Variants in SLC22A3 observed in about 807,000 individuals in gnomAD.
SLC22A3 encodes the protein EMT organic cation transporter 3.
A neutral mutation model predicts 59.1 loss-of-function variants in SLC22A3; 51 were observed. The ratio of observed to expected loss-of-function variants is 0.86; its 90% CI spans 0.69 to 1.09. The LOEUF (loss-of-function observed/expected upper bound fraction) is 1.09. Among genes scored for constraint, SLC22A3 ranks in the 50% least tolerant of loss-of-function variants. The probability of loss-of-function intolerance (pLI) is 0.00; values close to 1 mark genes in which losing one functional copy is unlikely to be tolerated. For synonymous variants in SLC22A3, 325 were observed against 292.0 expected (o/e 1.11, Z -1.15); for missense variants, 711 against 726.3 (o/e 0.98, Z 0.24).
intron 4 of SLC22A3, among the ~76,000 whole-genome samples, chr6:160,409,488 G>C (rs1787161550): frequency 7.0e-6 from 1 of 142,752 alleles, no homozygotes; most frequent in Admixed American, 7.2e-5. Context: ...ACATACGTGT[G>C]CATGTGTCTT....
chr6:160,348,413 G>C lies in SLC22A3; in HGVS notation c.-7G>C, dbSNP rs892299131. On this transcript the variant is annotated 5_prime_UTR_variant, in exon 1 of 11. Transcript: ENST00000275300. ...GCGGGCTGCGGGCGGCGGGCGGCGG[G>C]CGCACCATGCCCTCCTTCGACGAGG... is the stretch of plus-strand genomic sequence containing the variant. 1.4e-6 allele frequency: 2 copies of C among 1,452,874 alleles called. No homozygotes were observed. Among genetic ancestry groups the C allele is most frequent in the African/African-American group, 2.9e-5 (2 of 68,054 alleles). 90.0% of individuals were successfully genotyped at this position (1,452,874 alleles called of 1,614,324 possible).
intron 5 of SLC22A3, among the ~76,000 whole-genome samples, chr6:160,431,413 G>A (rs1457699928): frequency 2.6e-5 from 4 of 152,192 alleles, no homozygotes; most frequent in Non-Finnish European, 5.9e-5. Flanking sequence ...CTGCGTCACT[G>A]TGGAGATGTT....
intron 1 of SLC22A3, among the ~76,000 whole-genome samples, chr6:160,369,555 C>T (rs534246973): frequency 6.6e-6 from 1 of 152,178 alleles, no homozygotes; most frequent in East Asian, 1.9e-4. Context: ...TATTTTTTAG[C>T]ATTAGCACTT....
chr6:160,405,254 C>A (rs1446359476), intron 2 of SLC22A3, among the ~76,000 whole-genome samples: 1 of 152,028 alleles, frequency 6.6e-6, no homozygotes, highest in East Asian at 1.9e-4. Flanking sequence ...AAGATCTTAA[C>A]AGATAGCTCA....
chr6:160,417,956 T>C (rs1321688038), intron 5 of SLC22A3, among the ~76,000 whole-genome samples: 1 of 152,210 alleles, frequency 6.6e-6, no homozygotes, highest in Non-Finnish European at 1.5e-5. Context: ...ATGAGATAAA[T>C]GAATGCTTAC....
intron 5 of SLC22A3, among the ~76,000 whole-genome samples, chr6:160,419,043 C>T (rs186496768): frequency 5.9e-5 from 9 of 152,234 alleles, no homozygotes; most frequent in Admixed American, 4.6e-4. Flanking sequence ...ACATCAGGAA[C>T]GGAATTTGAG....
intron 2 of SLC22A3, among the ~76,000 whole-genome samples, chr6:160,400,833 A>C (rs1786743773): frequency 6.6e-6 from 1 of 152,062 alleles, no homozygotes; most frequent in Admixed American, 6.6e-5. Flanking sequence ...AGAGATGGAA[A>C]TTCTAAAAAA....
At chr6:160,349,562 C>T (rs1784593600) in intron 1 of SLC22A3, among the ~76,000 whole-genome samples, 1 of 152,082 alleles carries the variant, frequency 6.6e-6, no homozygotes, top group African/African-American at 2.4e-5. Flanking sequence ...CATTTACAGG[C>T]GGAGGCTGCT....
intron 8 of SLC22A3, among the ~76,000 whole-genome samples, 157 bp downstream of exon 8, chr6:160,443,026 CT>C (rs1226964479): frequency 3.3e-5 from 5 of 152,274 alleles, no homozygotes; most frequent in African/African-American, 1.2e-4. Context: ...TGAGTTATCA[CT>C]GCTTTCTGCA....
chr6:160,434,164 C>A (rs949354738), intron 5 of SLC22A3, among the ~76,000 whole-genome samples: 1 of 152,202 alleles, frequency 6.6e-6, no homozygotes, highest in Non-Finnish European at 1.5e-5. Flanking sequence ...ATTGTCCTTG[C>A]AGGATGGGTG....
chr6:160,424,416 A>C (rs1434716550), intron 5 of SLC22A3, among the ~76,000 whole-genome samples: 1 of 152,176 alleles, frequency 6.6e-6, no homozygotes, highest in Admixed American at 6.5e-5. Flanking sequence ...TCATGTGGGC[A>C]ATCTTTAAAT....
At chr6:160,420,337 C>A (rs1787676226) in intron 5 of SLC22A3, among the ~76,000 whole-genome samples, 1 of 152,240 alleles carries the variant, frequency 6.6e-6, no homozygotes, top group Non-Finnish European at 1.5e-5. Flanking sequence ...GAGCCAGGGC[C>A]TTTCCCCCTA....
At chr6:160,365,992 G>C (rs1425460387) in intron 1 of SLC22A3, among the ~76,000 whole-genome samples, 1 of 152,114 alleles carries the variant, frequency 6.6e-6, no homozygotes, top group African/African-American at 2.4e-5. Context: ...CCACCCCTGT[G>C]ACACAATTAC....
At chr6:160,352,803 T>C (rs547426488) in intron 1 of SLC22A3, among the ~76,000 whole-genome samples, 6 of 152,322 alleles carry the variant, frequency 3.9e-5, no homozygotes, top group African/African-American at 1.4e-4. Flanking sequence ...ACAAAAGTGT[T>C]TTAATAGTGT....
In SLC22A3 at chr6:160,421,428, A is replaced by G. The variant is rs73592913; in HGVS notation, c.975+10582A>G. Reference sequence around the variant, plus strand: ...ACATGACATTGGCAACTGCTCAGTTATCCGTGATTAGTTATGAATCTAAAT... The same window carrying G: ...ACATGACATTGGCAACTGCTCAGTTGTCCGTGATTAGTTATGAATCTAAAT... On this transcript the variant is annotated intron_variant, in intron 5 of 10. Transcript: ENST00000275300. Among the ~76,000 whole-genome samples the G allele has an allele frequency of 7.8e-3, 1,189 of 152,306 alleles. 11 individuals carry two copies. Among genetic ancestry groups the G allele is most frequent in the African/African-American group, 0.027 (1,143 of 41,578 alleles).
intron 10 of SLC22A3, among the ~76,000 whole-genome samples, chr6:160,448,068 T>C (rs1788814599): frequency 6.6e-6 from 1 of 152,108 alleles, no homozygotes; most frequent in Non-Finnish European, 1.5e-5. Context: ...CATAAGGTGC[T>C]AAGACTCAGA....
At chr6:160,429,567 A>G (rs1397422661) in intron 5 of SLC22A3, among the ~76,000 whole-genome samples, 1 of 151,932 alleles carries the variant, frequency 6.6e-6, no homozygotes, top group Non-Finnish European at 1.5e-5. Flanking sequence ...CTGTTCCTTG[A>G]CTCTTAGTGC....
chr6:160,449,197 A>T (rs1369149569), intron 10 of SLC22A3, among the ~76,000 whole-genome samples: 1 of 152,118 alleles, frequency 6.6e-6, no homozygotes, highest in Non-Finnish European at 1.5e-5. Context: ...AAAAATAAAC[A>T]GCTAGGAGAG....
chr6:160,428,156 T>G (rs1788033194), intron 5 of SLC22A3, among the ~76,000 whole-genome samples: 1 of 140,002 alleles, frequency 7.1e-6, no homozygotes, highest in South Asian at 2.3e-4. Context: ...GAAGAAATGT[T>G]CCAACATGTG....
Sources: allele counts gnomAD v4.1 joint callset (sites outside exome capture counted in the v4.1 genomes callset), GRCh38; gene constraint gnomAD v4.1.1; transcripts MANE v1.5; gene names NCBI Gene and HGNC (gene_info 2026-07-23, HGNC 2026-07-21).